NSUN6: variants seen among roughly 807,000 people sequenced by gnomAD.
NSUN6 encodes NOP2/Sun RNA methyltransferase 6.
Under a neutral mutation model 58.0 loss-of-function variants are expected in NSUN6, and 64 were observed. The ratio of observed to expected loss-of-function variants is 1.10; its 90% CI spans 0.90 to 1.36. The LOEUF is 1.36. Ranked by LOEUF, NSUN6 falls within the 40% of genes most tolerant of loss-of-function variation. The pLI is 0.00. For synonymous variants in NSUN6, 231 were observed against 193.9 expected (o/e 1.19, Z -1.59); for missense variants, 701 against 550.1 (o/e 1.27, Z -2.74).
chr10:18,631,432 G>T (rs1023657736), intron 3 of NSUN6, among the ~76,000 whole-genome samples: 19 of 137,736 alleles, frequency 1.4e-4, no homozygotes, highest in African/African-American at 4.6e-4. Context: ...GGAAATAAAG[G>T]GTATTCAATG....
chr10:18,653,056 A>G (rs1206425837), upstream of NSUN6: 1 of 981,108 alleles, frequency 1.0e-6, no homozygotes, highest in Non-Finnish European at 1.2e-6. Context: ...ATAAATGTCT[A>G]AATCAGACAT....
chr10:18,547,394 A>T (rs1253602573), intron 10 of NSUN6, among the ~76,000 whole-genome samples: 1 of 152,158 alleles, frequency 6.6e-6, no homozygotes, highest in Non-Finnish European at 1.5e-5. Context: ...TAATTATCTT[A>T]ATTTACGAGA....
intron 7 of NSUN6, among the ~76,000 whole-genome samples, chr10:18,592,018 A>G (rs1332000631): frequency 2.0e-5 from 3 of 152,210 alleles, no homozygotes; most frequent in Admixed American, 6.5e-5. Flanking sequence ...ACTTCAGCAA[A>G]GTCTCAGGAT....
intron 8 of NSUN6, among the ~76,000 whole-genome samples, chr10:18,576,913 G>A (rs896014202): frequency 6.6e-6 from 1 of 152,170 alleles, no homozygotes; most frequent in Non-Finnish European, 1.5e-5. Context: ...GACATTGTAA[G>A]CAAGAGAAGC....
At chr10:18,625,389 T>C (rs956162074) in intron 3 of NSUN6, among the ~76,000 whole-genome samples, 1 of 151,982 alleles carries the variant, frequency 6.6e-6, no homozygotes, top group Non-Finnish European at 1.5e-5. Flanking sequence ...CCTATATAAC[T>C]GAAAAGCTAC....
rs2055694458 is a variant in NSUN6 at position 18,563,481 on chromosome 10, A to AGAATGGAATAGAATGGAGAGTG, written c.923-11532_923-11511dup. Among the ~76,000 whole-genome samples the AGAATGGAATAGAATGGAGAGTG allele has an allele frequency of 1.2e-4, 18 of 151,318 alleles. No individual in the cohort carries two copies. In the South Asian group the frequency reaches 3.5e-3, roughly 30 times the overall value. On this transcript the variant is annotated intron_variant, in intron 8 of 10. Coordinates refer to ENST00000377304, the MANE Select transcript of NSUN6 (RefSeq NM_182543.5). ...TGAAATGGAGAACGGTATGGAATGGAGAATGGAATAGAATGGAGAGTGGAA... is the reference window on the plus strand; with the variant it reads ...TGAAATGGAGAACGGTATGGAATGGAGAATGGAATAGAATGGAGAGTGGAATGGAATAGAATGGAGAGTGGAA...
intron 8 of NSUN6, among the ~76,000 whole-genome samples, chr10:18,577,958 C>T (rs1317145448): frequency 6.6e-6 from 1 of 152,230 alleles, no homozygotes; most frequent in Non-Finnish European, 1.5e-5. Flanking sequence ...GATAAGAACC[C>T]CTTCCCCTCC....
At chr10:18,634,472 CCGGGCCTGGTGGCT>C (rs1014605146) in intron 3 of NSUN6, among the ~76,000 whole-genome samples, 3 of 152,140 alleles carry the variant, frequency 2.0e-5, no homozygotes, top group Non-Finnish European at 4.4e-5. Context: ...TAAGAACAAA[CCGGGCCTGGTGGCT>C]CACGCCTATA....
chr10:18,578,318 C>T (rs189942116), intron 8 of NSUN6, among the ~76,000 whole-genome samples: 84 of 151,174 alleles, frequency 5.6e-4, no homozygotes, highest in African/African-American at 1.8e-3. Flanking sequence ...ACTGCAACCC[C>T]CGCCTCCTGG....
At chr10:18,559,953 T>A (rs925186733) in intron 8 of NSUN6, among the ~76,000 whole-genome samples, 1 of 146,566 alleles carries the variant, frequency 6.8e-6, no homozygotes. Context: ...TGGAATGGAA[T>A]AGAGAATGGT....
intron 8 of NSUN6, among the ~76,000 whole-genome samples, chr10:18,557,658 T>C (rs1326707739): frequency 7.0e-6 from 1 of 142,434 alleles, no homozygotes; most frequent in Admixed American, 7.1e-5. Context: ...CAGAATGGAA[T>C]GGAGAATGGA....
chr10:18,552,936 ATTCTCCACTCAATTCTC>A (rs2054702553), intron 8 of NSUN6, among the ~76,000 whole-genome samples: 1 of 146,268 alleles, frequency 6.8e-6, no homozygotes, highest in Non-Finnish European at 1.5e-5. Flanking sequence ...TCTCCATTCC[ATTCTCCACTCAATTCTC>A]CATTACATTC....
chr10:18,652,616 A>G (rs940944818), upstream of NSUN6: 1 of 938,688 alleles, frequency 1.1e-6, no homozygotes, highest in South Asian at 4.9e-5. Context: ...ACTGGAGTGG[A>G]ATGGTGGGAT....
chr10:18,652,403 ATTG>A, upstream of NSUN6: 5 of 984,544 alleles, frequency 5.1e-6, no homozygotes, highest in South Asian at 2.4e-4. Context: ...AGGGTTTTTT[ATTG>A]TTTTTTTCTC....
chr10:18,651,674 T>C, upstream of NSUN6: 1 of 985,812 alleles, frequency 1.0e-6, no homozygotes, highest in Non-Finnish European at 1.2e-6. Context: ...ACCCCTCCCT[T>C]TCCGGTCCCC....
At chr10:18,656,200 C>T (rs983398212), upstream of NSUN6, among the ~76,000 whole-genome samples, 9 of 152,260 alleles carry the variant, frequency 5.9e-5, no homozygotes, top group East Asian at 1.7e-3. Context: ...ATCTATCAGT[C>T]ACACCTAATC....
At chr10:18,622,454 C>G (rs1259434128) in intron 3 of NSUN6, among the ~76,000 whole-genome samples, 1 of 152,180 alleles carries the variant, frequency 6.6e-6, no homozygotes, top group East Asian at 1.9e-4. Context: ...TGGCTCATGC[C>G]TGTAATTCCA....
At chr10:18,600,941 A>AAAAATATATATATATAT (rs1487679670) in intron 6 of NSUN6, among the ~76,000 whole-genome samples, 4 of 43,542 alleles carry the variant, frequency 9.2e-5, no homozygotes, top group Admixed American at 2.9e-4. Context: ...AAAAAAAAAA[A>AAAAATATATATATATAT]ATATATATAT....
rs779293906 is a variant in NSUN6, at chr10:18,580,569, A to G, written c.922+5380T>C. On this transcript the variant is annotated intron_variant, in intron 8 of 10. Transcript: ENST00000377304. ...GTGGGAAGCTCTACCCAGGCACAGT[A>G]GGCTAAGAGTATTTAACCCCTGATT... Among the ~76,000 whole-genome samples, 20 of 152,178 alleles carry G rather than the reference A, an allele frequency of 1.3e-4. 1 individual carries two copies. Among genetic ancestry groups the G allele is most frequent in the Non-Finnish European group, 1.9e-4 (13 of 68,036 alleles).
Sources: allele counts gnomAD v4.1 joint callset (sites outside exome capture counted in the v4.1 genomes callset), GRCh38; gene constraint gnomAD v4.1.1; transcripts MANE v1.5; gene names NCBI Gene and HGNC (gene_info 2026-07-23, HGNC 2026-07-21).